Variants in DPF3 observed in about 807,000 individuals in gnomAD.
The protein encoded by DPF3 is zinc finger protein DPF3.
In DPF3, 18 loss-of-function variants were observed where a neutral mutation model predicts 56.8. The ratio of observed to expected loss-of-function variants is 0.32; its 90% CI spans 0.22 to 0.47. DPF3 has a LOEUF of 0.47. Ranked by LOEUF, DPF3 falls within the 20% of genes least tolerant of loss-of-function variation. The pLI is 1.00. For synonymous variants in DPF3, 188 were observed against 180.2 expected (o/e 1.04, Z -0.35); for missense variants, 403 against 488.8 (o/e 0.82, Z 1.65).
Position 72,611,349 on chromosome 14 carries a change from G to C in DPF3, c.*7948C>G, listed in dbSNP as rs901343097. On this transcript the variant is annotated 3_prime_UTR_variant, in exon 11 of 11. Transcript: ENST00000556509. ...GAGAGTCTAAGCCAGCACGAAGCTAGGATCTGACAAGCACCTGGCCAAAGG... is the reference window on the plus strand; with the variant it reads ...GAGAGTCTAAGCCAGCACGAAGCTACGATCTGACAAGCACCTGGCCAAAGG... Among the ~76,000 whole-genome samples the C allele has an allele frequency of 1.3e-5, 2 of 152,230 alleles. No individual in the cohort carries two copies. Among genetic ancestry groups the C allele is most frequent in the Admixed American group, 6.5e-5 (1 of 15,284 alleles).
rs1328122869 is a variant in DPF3, at chr14:72,614,251, T to C, written c.*5046A>G. 6.6e-6 allele frequency among the ~76,000 whole-genome samples: 1 copy of C among 152,128 alleles called. No homozygotes were observed. Among genetic ancestry groups the C allele is most frequent in the Non-Finnish European group, 1.5e-5 (1 of 68,014 alleles). ...CCTTCTGACCACGGACCAGTTAGAC[T>C]CTATGGCAAGCTGGGGTTCAGGTAG... On this transcript the variant is annotated 3_prime_UTR_variant, in exon 11 of 11. Transcript: ENST00000556509.
chr14:72,865,831 G>C (rs976210920), intron 1 of DPF3, among the ~76,000 whole-genome samples: 1 of 152,202 alleles, frequency 6.6e-6, no homozygotes, highest in Non-Finnish European at 1.5e-5. Context: ...CAGATCACTT[G>C]AGGTCAGGAG....
At chr14:72,798,340 T>C (rs1358006401) in intron 1 of DPF3, among the ~76,000 whole-genome samples, 1 of 150,980 alleles carries the variant, frequency 6.6e-6, no homozygotes, top group Non-Finnish European at 1.5e-5. Context: ...AGTGTTTTTA[T>C]AATATATCCT....
chr14:72,712,508 G>T (rs535983220), intron 6 of DPF3, among the ~76,000 whole-genome samples: 52 of 152,286 alleles, frequency 3.4e-4, no homozygotes, highest in African/African-American at 1.2e-3. Flanking sequence ...GAAAGCTGCA[G>T]AGATAGAGCA....
chr14:72,651,335 A>C (rs1293751626), intron 8 of DPF3, among the ~76,000 whole-genome samples: 1 of 152,190 alleles, frequency 6.6e-6, no homozygotes, highest in Non-Finnish European at 1.5e-5. Context: ...TGCCTTCCGG[A>C]AGGATGAATG....
At chr14:72,723,257 T>C (rs965257347) in intron 5 of DPF3, among the ~76,000 whole-genome samples, 2 of 151,144 alleles carry the variant, frequency 1.3e-5, no homozygotes, top group African/African-American at 2.4e-5. Flanking sequence ...CAAAAGCAGG[T>C]ACCCTGACTC....
intron 7 of DPF3, 45 bp from the exon 8 acceptor site, chr14:72,674,413 T>C: frequency 1.3e-6 from 2 of 1,593,248 alleles, no homozygotes; most frequent in East Asian, 4.5e-5. Flanking sequence ...TTACATGAGT[T>C]TCAACTGCCC....
intron 2 of DPF3, among the ~76,000 whole-genome samples, chr14:72,763,902 A>G (rs1891158194): frequency 6.6e-6 from 1 of 152,246 alleles, no homozygotes; most frequent in South Asian, 2.1e-4. Flanking sequence ...CAAATAGCTC[A>G]ATTTTAAAAT....
intron 8 of DPF3, among the ~76,000 whole-genome samples, chr14:72,652,177 C>T (rs544315323): frequency 8.5e-5 from 13 of 152,264 alleles, no homozygotes; most frequent in African/African-American, 2.9e-4. Context: ...CCCTTTCTCT[C>T]GCAATAAAAG....
rs1886887084 is a variant in DPF3, at chr14:72,894,063, A to G, written c.26T>C (p.Leu9Pro). 6.2e-7 allele frequency: 1 copy of G among 1,610,042 alleles called. No homozygotes were observed. Among genetic ancestry groups the G allele is most frequent in the Non-Finnish European group, 8.5e-7 (1 of 1,178,620 alleles). Reference protein sequence around the residue: MATVIHNPLKALGDQFYKE... With the variant: MATVIHNPPKALGDQFYKE... ...ATTTTTTAGTCTTACTTACGCTTTC[A>G]GGGGGTTGTGAATGACAGTCGCCAT... is the stretch of plus-strand genomic sequence containing the variant. Residue 9 changes from leucine (L) to proline (P), a missense_variant, in exon 1 of 11, where the codon CTG becomes CCG. Leu to Pro is a moderately conservative substitution (Grantham distance 98, BLOSUM62 -3). Around this residue, in one of 2 missense-constraint regions of DPF3, gnomAD observed 340 missense variants for 374.3 expected, o/e 0.91. Transcript: ENST00000556509.
At chr14:72,892,672 G>A (rs949622151) in intron 1 of DPF3, 3 of 1,036,714 alleles carry the variant, frequency 2.9e-6, no homozygotes, top group Non-Finnish European at 3.5e-6. Context: ...AAGAACCAGG[G>A]TCGACAGCGG....
chr14:72,661,013 G>C (rs1886191111), intron 8 of DPF3: 1 of 973,730 alleles, frequency 1.0e-6, no homozygotes, highest in Non-Finnish European at 1.2e-6. Context: ...GGATGAGCTT[G>C]GTTGGTCAAG....
chr14:72,794,614 G>A (rs1175869766), intron 1 of DPF3, among the ~76,000 whole-genome samples: 1 of 152,164 alleles, frequency 6.6e-6, no homozygotes, highest in African/African-American at 2.4e-5. Context: ...TAAAGGCACT[G>A]GGTCACAAAG....
intron 1 of DPF3, among the ~76,000 whole-genome samples, chr14:72,835,660 G>C (rs1884259557): frequency 1.3e-5 from 2 of 152,136 alleles, no homozygotes; most frequent in Admixed American, 6.5e-5. Context: ...ATCCACAGCT[G>C]GGGGAGGAGA....
intron 1 of DPF3, among the ~76,000 whole-genome samples, chr14:72,818,251 A>T (rs1283596762): frequency 6.6e-6 from 1 of 152,094 alleles, no homozygotes; most frequent in Non-Finnish European, 1.5e-5. Flanking sequence ...AAAAAAAAAA[A>T]CAAACTTCCA....
chr14:72,774,365 T>C (rs911782615), intron 1 of DPF3, among the ~76,000 whole-genome samples: 1 of 152,114 alleles, frequency 6.6e-6, no homozygotes, highest in African/African-American at 2.4e-5. Flanking sequence ...TTTTCATTTT[T>C]TGAGGAACCA....
intron 1 of DPF3, among the ~76,000 whole-genome samples, chr14:72,813,044 G>A (rs1015454662): frequency 2.0e-5 from 3 of 152,202 alleles, no homozygotes; most frequent in East Asian, 1.9e-4. Flanking sequence ...CTTGCTTTTC[G>A]GGGGCTCCTT....
intron 1 of DPF3, among the ~76,000 whole-genome samples, chr14:72,855,942 T>C (rs1307055875): frequency 6.6e-6 from 1 of 152,194 alleles, no homozygotes; most frequent in African/African-American, 2.4e-5. Flanking sequence ...GGGCAGGGAA[T>C]GTCAGGAAAC....
At chr14:72,852,862 C>A (rs1015139628) in intron 1 of DPF3, among the ~76,000 whole-genome samples, 1 of 152,204 alleles carries the variant, frequency 6.6e-6, no homozygotes, top group East Asian at 1.9e-4. Flanking sequence ...GCCCGTGCCA[C>A]ATGCAAGTTA....
Sources: allele counts gnomAD v4.1 joint callset (sites outside exome capture counted in the v4.1 genomes callset), GRCh38; gene constraint gnomAD v4.1.1; regional missense constraint gnomAD v4.1.1; transcripts MANE v1.5; gene names NCBI Gene and HGNC (gene_info 2026-07-23, HGNC 2026-07-21).